Variants in ITGA8 observed in about 807,000 individuals in gnomAD.
ITGA8 encodes the protein integrin alpha-8.
A neutral mutation model predicts 142.3 loss-of-function variants in ITGA8; 91 were observed. The observed-to-expected ratio is 0.64, with a 90% CI of 0.54 to 0.76. ITGA8 has a LOEUF of 0.76. ITGA8 is among the 30% of genes least tolerant of loss of function. The pLI is 0.00. For synonymous variants in ITGA8, 505 were observed against 485.2 expected (o/e 1.04, Z -0.54); for missense variants, 1,406 against 1,327.7 (o/e 1.06, Z -0.92).
intron 25 of ITGA8, among the ~76,000 whole-genome samples, chr10:15,566,255 T>C (rs1452867775): frequency 1.3e-5 from 2 of 152,128 alleles, no homozygotes; most frequent in East Asian, 3.9e-4. Context: ...ACCTCCAGCT[T>C]TCCACGGCTC....
In ITGA8 at chr10:15,658,901, A is replaced by G. The variant is rs1272144738; in HGVS notation, c.948+98T>C. On this transcript the variant is annotated intron_variant, in intron 10 of 29. Transcript: ENST00000378076. ...AGTTTCCAGTACGTAGTAGCTGCTC[A>G]TTAAATATTTGTCAAATGGATGAAT... is the stretch of plus-strand genomic sequence containing the variant. 7.1e-6 allele frequency: 6 copies of G among 849,906 alleles called. No individual in the cohort carries two copies. The Admixed American group carries it at 7.3e-5, about 10-fold the overall frequency. 52.6% of individuals were successfully genotyped at this position (849,906 alleles called of 1,614,324 possible).
chr10:15,573,702 TAGTCAG>T (rs1046326380), intron 24 of ITGA8, among the ~76,000 whole-genome samples: 2 of 152,136 alleles, frequency 1.3e-5, no homozygotes, highest in African/African-American at 4.8e-5. Flanking sequence ...ATGAAAGTCA[TAGTCAG>T]AATTACTAGA....
chr10:15,662,207 A>G (rs1421986658), intron 8 of ITGA8, among the ~76,000 whole-genome samples: 1 of 152,236 alleles, frequency 6.6e-6, no homozygotes, highest in East Asian at 1.9e-4. Context: ...AGGACAGCTT[A>G]ATTGCTTGGG....
Position 15,546,211 on chromosome 10 carries a change from T to C in ITGA8, c.2880+2244A>G, listed in dbSNP as rs891465612. Among the ~76,000 whole-genome samples, 3 of 152,188 alleles carry C rather than the reference T, an allele frequency of 2.0e-5. No homozygotes were observed. In the East Asian group the frequency reaches 5.8e-4, roughly 29 times the overall value. ...CCCTGATCTCCCTACACCATTCTAC[T>C]TTCTTCCCGGCACTGATGCATCTGT... On this transcript the variant is annotated intron_variant, in intron 27 of 29. Coordinates refer to ENST00000378076, the MANE Select transcript of ITGA8 (RefSeq NM_003638.3).
intron 11 of ITGA8, among the ~76,000 whole-genome samples, chr10:15,653,831 C>CTT (rs111283505): frequency 1.5e-5 from 2 of 130,032 alleles, no homozygotes; most frequent in African/African-American, 5.5e-5. Context: ...TTTCTTTTTT[C>CTT]TTTTTTTTTT....
chr10:15,639,651 G>T (rs1009378816), intron 13 of ITGA8, among the ~76,000 whole-genome samples: 1 of 152,218 alleles, frequency 6.6e-6, no homozygotes, highest in Non-Finnish European at 1.5e-5. Context: ...ACACACCCAG[G>T]TGATCTGTTT....
intron 10 of ITGA8, 121 bp from the exon 11 acceptor site, chr10:15,655,527 T>C: frequency 1.4e-6 from 1 of 728,296 alleles, no homozygotes; most frequent in South Asian, 1.8e-5. Context: ...AATTCATAGA[T>C]TCTTCGAAGT....
chr10:15,606,109 T>G (rs989310661), intron 18 of ITGA8, among the ~76,000 whole-genome samples, 176 bp downstream of exon 18: 4 of 152,098 alleles, frequency 2.6e-5, no homozygotes, highest in Non-Finnish European at 4.4e-5. Context: ...AGGAAAGGCT[T>G]CCGAAAAACA....
intron 2 of ITGA8, among the ~76,000 whole-genome samples, chr10:15,698,896 GCAGAGTCTTTT>G: frequency 6.6e-6 from 1 of 152,174 alleles, no homozygotes; most frequent in East Asian, 1.9e-4. Flanking sequence ...ATTTTGCTGT[GCAGAGTCTTTT>G]CAGTTTAATT....
chr10:15,693,664 T>A (rs981519488), intron 2 of ITGA8, among the ~76,000 whole-genome samples: 2 of 152,220 alleles, frequency 1.3e-5, no homozygotes, highest in Non-Finnish European at 2.9e-5. Context: ...TCTTGCCATC[T>A]CTGACTAGGT....
At chr10:15,653,368 AT>A (rs1189281084) in intron 11 of ITGA8, among the ~76,000 whole-genome samples, 2 of 152,106 alleles carry the variant, frequency 1.3e-5, no homozygotes, top group African/African-American at 4.8e-5. Flanking sequence ...GCAGTTTTAG[AT>A]TGTTTAGATT....
chr10:15,677,481 AT>A lies in ITGA8; in HGVS notation c.676+110del, dbSNP rs1293325742. ...TAACGCTTCATTTGAGAAACTATGA[AT>A]AAGGATATAAAATTAAGGTAATAGA... On this transcript the variant is annotated intron_variant, in intron 6 of 29. Coordinates refer to ENST00000378076, the MANE Select transcript of ITGA8 (RefSeq NM_003638.3). The A allele has an allele frequency of 1.4e-5, 11 of 810,996 alleles. No individual in the cohort carries two copies. In the African/African-American group the frequency reaches 1.9e-4, roughly 14 times the overall value. 50.2% of individuals were successfully genotyped at this position (810,996 alleles called of 1,614,324 possible). A position where few individuals can be genotyped will look rare whatever the true frequency, so the allele number is the denominator to read the frequency against.
chr10:15,581,782 T>C (rs1340342546), intron 23 of ITGA8, among the ~76,000 whole-genome samples: 1 of 152,230 alleles, frequency 6.6e-6, no homozygotes, highest in African/African-American at 2.4e-5. Context: ...CTTATTATTA[T>C]ATAGATTAGA....
chr10:15,562,326 C>T (rs1214087139), intron 25 of ITGA8, among the ~76,000 whole-genome samples: 3 of 152,328 alleles, frequency 2.0e-5, no homozygotes, highest in Admixed American at 6.5e-5. Flanking sequence ...GCTCCGTGAA[C>T]GTGCGCCCCG....
rs74124274 is a variant in ITGA8, at chr10:15,572,660, T to C, written c.2479-291A>G. Among the ~76,000 whole-genome samples, 598 of 152,296 alleles carry C rather than the reference T, an allele frequency of 3.9e-3. 6 individuals are homozygous for C. Among genetic ancestry groups the C allele is most frequent in the African/African-American group, 0.014 (584 of 41,554 alleles). ...GATAACTGTGATGCTGGTTTTAAAT[T>C]TATGTTAATTTAATCATAGCGCTAG... On this transcript the variant is annotated intron_variant, in intron 24 of 29. Transcript: ENST00000378076.
intron 6 of ITGA8, among the ~76,000 whole-genome samples, chr10:15,676,472 A>G (rs1294529526): frequency 1.3e-5 from 2 of 152,010 alleles, no homozygotes; most frequent in East Asian, 3.9e-4. Context: ...TCCCAGCCCC[A>G]TCACCACATG....
At chr10:15,714,488 G>A (rs1835415960) in intron 2 of ITGA8, among the ~76,000 whole-genome samples, 2 of 152,172 alleles carry the variant, frequency 1.3e-5, no homozygotes, top group Admixed American at 6.5e-5. Flanking sequence ...AGGGAGATCA[G>A]AGAAGTGCTT....
At chr10:15,527,960 G>A (rs1216301976) in intron 28 of ITGA8, among the ~76,000 whole-genome samples, 1 of 128,400 alleles carries the variant, frequency 7.8e-6, no homozygotes, top group Admixed American at 9.0e-5. Context: ...CTGTTGCCCA[G>A]GCTGGAGTGC....
Position 15,568,085 on chromosome 10 carries a change from C to G in ITGA8, c.2637+4126G>C, listed in dbSNP as rs1228473407. Among the ~76,000 whole-genome samples the G allele has an allele frequency of 3.3e-5, 5 of 151,990 alleles. No individual in the cohort carries two copies. The East Asian group carries it at 7.7e-4, about 24-fold the overall frequency. ...TACAGGCATGTGTCATCATGCCTGG[C>G]TAATTTATTTTTATTTTTTGTAGAA... On this transcript the variant is annotated intron_variant, in intron 25 of 29. Coordinates refer to ENST00000378076, the MANE Select transcript of ITGA8 (RefSeq NM_003638.3).
Sources: allele counts gnomAD v4.1 joint callset (sites outside exome capture counted in the v4.1 genomes callset), GRCh38; gene constraint gnomAD v4.1.1; transcripts MANE v1.5; gene names NCBI Gene and HGNC (gene_info 2026-07-23, HGNC 2026-07-21).